AKAP9: variants seen among roughly 807,000 people sequenced by gnomAD.
The protein encoded by AKAP9 is A-kinase anchoring protein 9.
A neutral mutation model predicts 488.5 loss-of-function variants in AKAP9; 311 were observed. That is an observed-to-expected ratio of 0.64 (90% confidence interval 0.58 to 0.70). The LOEUF (loss-of-function observed/expected upper bound fraction) is 0.70. Ranked by LOEUF, AKAP9 falls within the 30% of genes least tolerant of loss-of-function variation. The probability of loss-of-function intolerance (pLI) is 0.00; values close to 1 mark genes in which losing one functional copy is unlikely to be tolerated. For missense variants in AKAP9, 4,215 were observed against 4,374.5 expected, an observed-to-expected ratio of 0.96 and a Z score of 1.03; for synonymous variants, 1,462 against 1,483.5, an observed-to-expected ratio of 0.99 and a Z score of 0.33.
At position 91,992,263 on chromosome 7, in the gene AKAP9, C is replaced by A. The variant is rs1797846371; in HGVS notation, c.405+52C>A. Reference sequence around the variant, plus strand: ...ACTAATGTTGGATACTATTTAAAATCATCTGGCTTACTAACAAAACTTTTT... The same window carrying A: ...ACTAATGTTGGATACTATTTAAAATAATCTGGCTTACTAACAAAACTTTTT... On this transcript the variant is annotated intron_variant, in intron 4 of 49. Coordinates refer to ENST00000356239, the MANE Select transcript of AKAP9 (RefSeq NM_005751.5). 2.2e-6 allele frequency: 3 copies of A among 1,362,022 alleles called. No individual in the cohort carries two copies. In the South Asian group the frequency reaches 3.5e-5, roughly 16 times the overall value. The allele number at this position is 1,362,022 out of a possible 1,614,324, so 84.4% of individuals were successfully genotyped here.
At chr7:91,941,953 A>G (rs1480272681) in intron 1 of AKAP9, among the ~76,000 whole-genome samples, 2 of 151,942 alleles carry the variant, frequency 1.3e-5, no homozygotes, top group South Asian at 2.1e-4. Context: ...AATACAATAC[A>G]CAATTATACA....
chr7:92,079,300 T>C lies in AKAP9; in HGVS notation c.7167T>C (p.Asp2389=), dbSNP rs1222761099. Reference sequence around the variant, plus strand: ...CAGACAGTTTAAAACATCAATTGGATGTGGTTATAGCTGAAAAGCTGGCCT... The same window carrying C: ...CAGACAGTTTAAAACATCAATTGGACGTGGTTATAGCTGAAAAGCTGGCCT... ...EEADSLKHQL[D]VVIAEKLALE... The change falls in exon 31 of 50, where the codon GAT becomes GAC. Residue 2389 remains aspartate (D), a synonymous_variant. Coordinates refer to ENST00000356239, the MANE Select transcript of AKAP9 (RefSeq NM_005751.5). The C allele has an allele frequency of 8.1e-6, 13 of 1,613,978 alleles. No homozygotes were observed. Among genetic ancestry groups the C allele is most frequent in the Non-Finnish European group, 1.1e-5 (13 of 1,180,008 alleles).
intron 21 of AKAP9, among the ~76,000 whole-genome samples, chr7:92,051,307 A>G (rs1807943787): frequency 6.6e-6 from 1 of 152,186 alleles, no homozygotes; most frequent in Non-Finnish European, 1.5e-5. Flanking sequence ...AATGCATTTA[A>G]TTTCTCACAT....
At chr7:91,993,590 G>A (rs1453619204) in intron 5 of AKAP9, among the ~76,000 whole-genome samples, 1 of 152,118 alleles carries the variant, frequency 6.6e-6, no homozygotes, top group Non-Finnish European at 1.5e-5. Flanking sequence ...GGGAGTCCCT[G>A]TCTCTTAAAA....
intron 47 of AKAP9, among the ~76,000 whole-genome samples, chr7:92,106,056 C>A (rs907651973): frequency 6.6e-6 from 1 of 152,214 alleles, no homozygotes; most frequent in African/African-American, 2.4e-5. Flanking sequence ...ACAGTTTCAT[C>A]CAGAAACCAT....
At chr7:91,986,301 C>T (rs1201371394) in intron 3 of AKAP9, among the ~76,000 whole-genome samples, 2 of 152,170 alleles carry the variant, frequency 1.3e-5, no homozygotes, top group Non-Finnish European at 2.9e-5. Flanking sequence ...TACAGTCTGT[C>T]ACAGCTTCTC....
At chr7:92,102,919 C>G (rs1817824607) in intron 46 of AKAP9, 93 bp downstream of exon 46, 1 of 1,128,428 alleles carries the variant, frequency 8.9e-7, no homozygotes, top group African/African-American at 1.5e-5. Context: ...TGGTTATACT[C>G]TATATTTATA....
intron 45 of AKAP9, 92 bp downstream of exon 45, chr7:92,101,148 A>G (rs1817455888): frequency 7.7e-7 from 1 of 1,294,048 alleles, no homozygotes; most frequent in African/African-American, 1.5e-5. Flanking sequence ...AGTCTAAAGA[A>G]ATTTAGGGCC....
intron 7 of AKAP9, 40 bp downstream of exon 7, chr7:91,995,840 T>C (rs1484506047): frequency 2.0e-6 from 3 of 1,491,908 alleles, no homozygotes; most frequent in Non-Finnish European, 2.7e-6. Flanking sequence ...TTGTAGAAGC[T>C]TTAGAGTTTC....
chr7:91,983,534 T>A (rs948366164), intron 3 of AKAP9, among the ~76,000 whole-genome samples: 3 of 152,226 alleles, frequency 2.0e-5, no homozygotes, highest in African/African-American at 7.2e-5. Flanking sequence ...GTCTTTATAG[T>A]AGCATGATTT....
At chr7:92,067,115 C>A (rs1563079500) in intron 26 of AKAP9, among the ~76,000 whole-genome samples, 1 of 152,166 alleles carries the variant, frequency 6.6e-6, no homozygotes, top group African/African-American at 2.4e-5. Context: ...TTTGTTTCTC[C>A]TTTTCCTACC....
intron 12 of AKAP9, among the ~76,000 whole-genome samples, chr7:92,018,395 AACACACACACACACAC>A (rs56394853): frequency 7.5e-5 from 9 of 120,610 alleles, no homozygotes; most frequent in Admixed American, 9.5e-5. Context: ...CTAAAAATAT[AACACACACACACACAC>A]ACACACACAC....
intron 3 of AKAP9, among the ~76,000 whole-genome samples, chr7:91,989,316 A>G (rs1271796090): frequency 1.3e-5 from 2 of 152,190 alleles, no homozygotes; most frequent in South Asian, 2.1e-4. Flanking sequence ...ATATTATTCC[A>G]AGATCTCTTT....
In AKAP9 at chr7:92,079,104, T is replaced by A. The variant is rs1813090156; in HGVS notation, c.6971T>A (p.Ile2324Lys). 1.1e-5 allele frequency: 17 copies of A among 1,610,978 alleles called. No individual in the cohort carries two copies. Among genetic ancestry groups the A allele is most frequent in the Non-Finnish European group, 1.4e-5 (17 of 1,178,658 alleles). The change falls in exon 31 of 50, where the codon ATA becomes AAA. Residue 2324 changes from isoleucine (I) to lysine (K), a missense_variant. Physicochemically the swap from Ile to Lys is moderately radical, Grantham distance 102. Transcript: ENST00000356239. The part of the protein sequence containing the change: ...NKVIEEKNEL[I>K]RDLETQIECL... The stretch of plus-strand genomic sequence containing the variant: ...GTTATTGAAGAAAAAAATGAACTGA[T>A]AAGGGATCTTGAAACCCAAATAGAA...
intron 28 of AKAP9, among the ~76,000 whole-genome samples, chr7:92,074,881 G>C (rs1346624252): frequency 1.3e-5 from 2 of 152,096 alleles, no homozygotes; most frequent in Non-Finnish European, 2.9e-5. Flanking sequence ...GGGTACAGGA[G>C]GGATAGCATT....
chr7:92,001,137 G>C lies in AKAP9; in HGVS notation c.1220G>C (p.Arg407Thr). 6.2e-7 allele frequency: 1 copy of C among 1,613,952 alleles called. No individual in the cohort carries two copies. Among genetic ancestry groups the C allele is most frequent in the Non-Finnish European group, 8.5e-7 (1 of 1,179,938 alleles). Residue 407 changes from arginine to threonine, a missense_variant, in exon 8 of 50, where the codon AGA becomes ACA. This residue lies in a region of AKAP9 where 2,361 missense variants were observed against 2,430.0 expected (regional missense o/e 0.97). Coordinates refer to ENST00000356239, the MANE Select transcript of AKAP9 (RefSeq NM_005751.5). ...GGGACAGTCGAAGAACTTCAGAAGA[G>C]AAATCATAAAGACAGCCAGTTCGAA... ...LMGTVEELQK[R>T]NHKDSQFETD... is the part of the protein sequence containing the mutation.
At chr7:91,970,020 A>AT (rs368700638) in intron 1 of AKAP9, among the ~76,000 whole-genome samples, 83 of 150,598 alleles carry the variant, frequency 5.5e-4, no homozygotes, top group Middle Eastern at 3.4e-3. Context: ...AAGTTAAGTG[A>AT]TTTTTTTTTC....
chr7:91,941,099 C>T lies in AKAP9; in HGVS notation c.-1C>T. ...TTTCCCCTGCCTTCCTTGCAGAGGC[C>T]ATGGAGGACGAGGAGAGACAGAAGA... On this transcript the variant is annotated 5_prime_UTR_variant, in exon 1 of 50. Transcript: ENST00000356239. 6.2e-7 allele frequency: 1 copy of T among 1,613,988 alleles called. No individual in the cohort carries two copies. Among genetic ancestry groups the T allele is most frequent in the Non-Finnish European group, 8.5e-7 (1 of 1,179,842 alleles).
intron 5 of AKAP9, among the ~76,000 whole-genome samples, chr7:91,994,044 A>G (rs1048237997): frequency 6.6e-6 from 1 of 152,152 alleles, no homozygotes; most frequent in Admixed American, 6.5e-5. Flanking sequence ...CAGGAAGATC[A>G]CTGCAGCCCA....
Sources: gnomAD v4.1 joint callset for allele counts (sites outside exome capture counted in the v4.1 genomes callset) on GRCh38, gnomAD v4.1.1 for gene constraint, gnomAD v4.1.1 regional missense constraint, MANE v1.5 for transcripts, NCBI Gene and HGNC (gene_info 2026-07-23, HGNC 2026-07-21) for gene names.